Variants in STN1 observed in about 807,000 individuals in gnomAD.
STN1 encodes STN1 subunit of CST complex.
STN1 carries 29 observed loss-of-function variants against 45.5 expected under a neutral mutation model. That is an observed-to-expected ratio of 0.64 (90% confidence interval 0.47 to 0.87). The LOEUF (loss-of-function observed/expected upper bound fraction) is 0.87. Among genes scored for constraint, STN1 ranks in the 40% least tolerant of loss-of-function variants. The pLI, the probability that STN1 is intolerant of heterozygous loss-of-function variation, is 0.00. For synonymous variants in STN1, 148 were observed against 159.0 expected, an observed-to-expected ratio of 0.93 and a Z score of 0.52; for missense variants, 376 against 441.4, an observed-to-expected ratio of 0.85 and a Z score of 1.33.
intron 3 of STN1, among the ~76,000 whole-genome samples, chr10:103,909,450 A>ATATG (rs1589502773): frequency 5.8e-5 from 5 of 86,650 alleles, no homozygotes; most frequent in African/African-American, 1.9e-4. Context: ...ATATGTATAT[A>ATATG]TGTATATATG....
At position 103,909,707 on chromosome 10, in the gene STN1, C is replaced by T. The variant is rs183689570; in HGVS notation, c.229+820G>A. 2.7e-4 allele frequency among the ~76,000 whole-genome samples: 41 copies of T among 151,862 alleles called. No individual in the cohort carries two copies. The East Asian group carries it at 6.4e-3, about 24-fold the overall frequency. ...AATCATGCAGGGACTGCCAATGAAA[C>T]GCTCTTGGTCACAAAGTTCAACTGC... On this transcript the variant is annotated intron_variant, in intron 3 of 9. Transcript: ENST00000224950.
chr10:103,882,475 T>C lies in STN1; in HGVS notation c.*209A>G, dbSNP rs1280841330. The C allele has an allele frequency of 1.0e-5, 5 of 501,296 alleles. No individual in the cohort carries two copies. Among genetic ancestry groups the C allele is most frequent in the Non-Finnish European group, 1.7e-5 (5 of 287,840 alleles). 31.1% of individuals were successfully genotyped at this position (501,296 alleles called of 1,614,324 possible). A position where few individuals can be genotyped will look rare whatever the true frequency, so the allele number is the denominator to read the frequency against. On this transcript the variant is annotated 3_prime_UTR_variant, in exon 10 of 10. Coordinates refer to ENST00000224950, the MANE Select transcript of STN1 (RefSeq NM_024928.5). ...TTTTCTTGTTGTGTCATGGCTGAGA[T>C]CAAAGTCATTGTACACCAAGGACAT...
At chr10:103,907,673 T>A (rs1436368610) in intron 3 of STN1, among the ~76,000 whole-genome samples, 1 of 152,208 alleles carries the variant, frequency 6.6e-6, no homozygotes, top group Non-Finnish European at 1.5e-5. Flanking sequence ...ATTAAAATTA[T>A]CTCTAGTTTG....
intron 7 of STN1, among the ~76,000 whole-genome samples, chr10:103,893,910 G>A (rs903861670): frequency 1.3e-5 from 2 of 152,138 alleles, no homozygotes; most frequent in African/African-American, 2.4e-5. Context: ...CCCCCAAACC[G>A]ACAAACATTC....
intron 6 of STN1, among the ~76,000 whole-genome samples, chr10:103,898,567 T>C (rs528684119): frequency 6.6e-6 from 1 of 152,342 alleles, no homozygotes; most frequent in East Asian, 1.9e-4. Flanking sequence ...TTTATCAAAC[T>C]TGGAAAAATG....
At chr10:103,899,676 G>C (rs1211638006) in intron 5 of STN1, among the ~76,000 whole-genome samples, 1 of 149,408 alleles carries the variant, frequency 6.7e-6, no homozygotes, top group African/African-American at 2.6e-5. Context: ...AACAGTGTAA[G>C]ACTCTGTCTC....
At chr10:103,887,686 T>G (rs2134357689) in intron 9 of STN1, among the ~76,000 whole-genome samples, 1 of 152,248 alleles carries the variant, frequency 6.6e-6, no homozygotes, top group East Asian at 1.9e-4. Flanking sequence ...TTTTAGAGGC[T>G]CCCATTCACA....
Position 103,877,719 on chromosome 10 carries a change from C to T in STN1, c.*4965G>A, listed in dbSNP as rs1843039947. On this transcript the variant is annotated 3_prime_UTR_variant, in exon 10 of 10. Coordinates refer to ENST00000224950, the MANE Select transcript of STN1 (RefSeq NM_024928.5). ...AGTTTGAGCTCACATTTACAGCCTC[C>T]ACCAGCAGAAATCATGCAAATAAGA... 6.6e-6 allele frequency: 1 copy of T among 152,218 alleles called. No homozygotes were observed. The highest frequency in any genetic ancestry group is 6.5e-5 in the Admixed American group (1 of 15,290). 9.4% of individuals were successfully genotyped at this position (152,218 alleles called of 1,614,324 possible).
intron 2 of STN1, among the ~76,000 whole-genome samples, chr10:103,910,877 G>A (rs1054693749): frequency 1.3e-5 from 2 of 152,130 alleles, no homozygotes; most frequent in African/African-American, 4.8e-5. Flanking sequence ...TGTCCAACTA[G>A]ATTTGGTTAA....
intron 3 of STN1, among the ~76,000 whole-genome samples, chr10:103,907,780 C>T (rs1036429674): frequency 2.6e-5 from 4 of 151,940 alleles, no homozygotes; most frequent in African/African-American, 9.7e-5. Flanking sequence ...TCCAGGCACA[C>T]CACTTCTCTG....
chr10:103,889,592 A>C (rs558511944), intron 8 of STN1, among the ~76,000 whole-genome samples: 170 of 152,106 alleles, frequency 1.1e-3, no homozygotes, highest in African/African-American at 3.9e-3. Context: ...AAAAAAAAAA[A>C]AAAAACCCTG....
chr10:103,881,975 G>A lies in STN1; in HGVS notation c.*709C>T, dbSNP rs566114192. 1.1e-4 allele frequency among the ~76,000 whole-genome samples: 16 copies of A among 152,338 alleles called. No homozygotes were observed. In the South Asian group the frequency reaches 2.9e-3, roughly 28 times the overall value. The stretch of plus-strand genomic sequence containing the variant: ...TCCGTGATCTTCAGGGGCATCGAGG[G>A]ACAATGTATTTAGTCATGCACCTCT... On this transcript the variant is annotated 3_prime_UTR_variant, in exon 10 of 10. Transcript: ENST00000224950.
rs1034332889 is a variant in STN1, at chr10:103,910,679, T to C, written c.134-57A>G. ...TGTATGATTACATTTTCTGCTTCAA[T>C]AAATCTTAACTTGTAGGGGGGAAGG... On this transcript the variant is annotated intron_variant, in intron 2 of 9. Coordinates refer to ENST00000224950, the MANE Select transcript of STN1 (RefSeq NM_024928.5). 1.9e-5 allele frequency: 19 copies of C among 989,858 alleles called. 1 individual carries two copies. Among genetic ancestry groups the C allele is most frequent in the Middle Eastern group, 2.4e-4 (1 of 4,208 alleles). The allele number at this position is 989,858 out of a possible 1,614,324, so 61.3% of individuals were successfully genotyped here.
chr10:103,906,027 G>A (rs934915390), intron 3 of STN1, among the ~76,000 whole-genome samples: 16 of 152,242 alleles, frequency 1.1e-4, no homozygotes, highest in African/African-American at 3.6e-4. Context: ...CAACTAGACT[G>A]TTGTAAAAGC....
At chr10:103,903,543 G>C (rs925095660) in intron 4 of STN1, among the ~76,000 whole-genome samples, 4 of 152,066 alleles carry the variant, frequency 2.6e-5, no homozygotes, top group African/African-American at 9.7e-5. Context: ...CTATAAAATG[G>C]GTTTGCAGAA....
At chr10:103,899,940 C>T (rs932846782) in intron 5 of STN1, 122 bp downstream of exon 5, 49 of 725,580 alleles carry the variant, frequency 6.8e-5, no homozygotes, top group Non-Finnish European at 1.1e-4. Flanking sequence ...ATGTAATTCA[C>T]TCATTAAATA....
At chr10:103,900,256 A>G (rs1180333377) in intron 4 of STN1, 33 bp from the exon 5 acceptor site, 2 of 1,608,866 alleles carry the variant, frequency 1.2e-6, no homozygotes, top group African/African-American at 2.7e-5. Flanking sequence ...GGAAAGAGAA[A>G]AAGTTATAAC....
chr10:103,905,635 T>G (rs1403370333), intron 3 of STN1, among the ~76,000 whole-genome samples: 1 of 152,200 alleles, frequency 6.6e-6, no homozygotes, highest in Non-Finnish European at 1.5e-5. Context: ...GCTAGTGTGC[T>G]GACTTCCCAA....
At position 103,882,812 on chromosome 10, in the gene STN1, T is replaced by G. The variant is rs763936289; in HGVS notation, c.979A>C (p.Ile327Leu). Residue 327 changes from isoleucine (I) to leucine (L), a missense_variant, in exon 10 of 10, where the codon ATC becomes CTC. By Grantham distance (5) the Ile-to-Leu change is conservative. Coordinates refer to ENST00000224950, the MANE Select transcript of STN1 (RefSeq NM_024928.5). ...HMEKGCHFLH[I>L]LACARLSIRP... ...ATGCTCAGGCGAGCACAGGCCAAGA[T>G]GTGCAGGAAGTGACAGCCCTTCTCC... 1.5e-5 allele frequency: 25 copies of G among 1,613,764 alleles called. No individual in the cohort carries two copies. In the East Asian group the frequency reaches 5.3e-4, roughly 35 times the overall value.
Sources: gnomAD v4.1 joint callset for allele counts (sites outside exome capture counted in the v4.1 genomes callset) on GRCh38, gnomAD v4.1.1 for gene constraint, MANE v1.5 for transcripts, NCBI Gene and HGNC (gene_info 2026-07-23, HGNC 2026-07-21) for gene names.